The following PNPLA1 variants were observed in gnomAD, a reference collection of about 807,000 sequenced individuals.
PNPLA1 encodes the protein patatin like domain 1, omega-hydroxyceramide transacylase, also known as omega-hydroxyceramide transacylase.
A neutral mutation model predicts 51.7 loss-of-function variants in PNPLA1; 36 were observed. The observed-to-expected ratio is 0.70, with a 90% CI of 0.53 to 0.92. PNPLA1 has a LOEUF of 0.92. Among genes scored for constraint, PNPLA1 ranks in the 40% least tolerant of loss-of-function variants. The pLI is 0.00. For synonymous variants in PNPLA1, 293 were observed against 280.1 expected, an observed-to-expected ratio of 1.05 and a Z score of -0.46; for missense variants, 658 against 682.5, an observed-to-expected ratio of 0.96 and a Z score of 0.40.
intron 1 of PNPLA1, among the ~76,000 whole-genome samples, chr6:36,276,234 C>T (rs1431095814): frequency 6.6e-6 from 1 of 152,188 alleles, no homozygotes; most frequent in Non-Finnish European, 1.5e-5. Flanking sequence ...GCTGGGATTA[C>T]AGGCGTGAGC....
intron 5 of PNPLA1, among the ~76,000 whole-genome samples, chr6:36,296,930 C>A (rs1220498272): frequency 6.6e-6 from 1 of 152,188 alleles, no homozygotes; most frequent in African/African-American, 2.4e-5. Context: ...GCCTCAGTTT[C>A]CTCATCTGTA....
In PNPLA1 at chr6:36,302,370, C is replaced by T; in HGVS notation, c.1285C>T (p.Pro429Ser). 1 of 1,606,472 alleles carries T rather than the reference C, an allele frequency of 6.2e-7. No homozygotes were observed. Among genetic ancestry groups the T allele is most frequent in the Non-Finnish European group, 8.5e-7 (1 of 1,175,032 alleles). Residue 429 changes from proline (P) to serine (S), a missense_variant, in exon 6 of 9, where the codon CCT becomes TCT. Coordinates refer to ENST00000636260, the MANE Select transcript of PNPLA1 (RefSeq NM_001374623.1). ...CACTTCACCCAGGCCATCCCTGGGG[C>T]CTTCAACTGTGGGGGCACCTCAAAC... ...APTSPRPSLG[P>S]STVGAPQTLP...
chr6:36,277,312 A>T (rs1300285011), intron 1 of PNPLA1, among the ~76,000 whole-genome samples: 1 of 152,226 alleles, frequency 6.6e-6, no homozygotes, highest in Non-Finnish European at 1.5e-5. Context: ...TGGAGGTAAC[A>T]CATGTCCTGT....
intron 6 of PNPLA1, among the ~76,000 whole-genome samples, chr6:36,305,256 T>TC (rs1771195944): frequency 6.6e-6 from 1 of 152,210 alleles, no homozygotes; most frequent in Non-Finnish European, 1.5e-5. Context: ...CCAAGACAAT[T>TC]CTTCTTCCAG....
chr6:36,294,451 G>T lies in PNPLA1; in HGVS notation c.714+52G>T, dbSNP rs575846688. The T allele has an allele frequency of 6.4e-7, 1 of 1,563,576 alleles. No individual in the cohort carries two copies. The highest frequency in any genetic ancestry group is 1.1e-5 in the South Asian group (1 of 87,902). On this transcript the variant is annotated intron_variant, in intron 4 of 8. Coordinates refer to ENST00000636260, the MANE Select transcript of PNPLA1 (RefSeq NM_001374623.1). This position sits in a 1 kb window ranked among gnomAD's most constrained non-coding sequence, Gnocchi z 4.2. Reference sequence around the variant, plus strand: ...TAGCAGAAGGTACCAGGGACTAGGGGTGGGGTTAGAGAGCCACTGGGGCCC... The same window carrying T: ...TAGCAGAAGGTACCAGGGACTAGGGTTGGGGTTAGAGAGCCACTGGGGCCC...
intron 1 of PNPLA1, among the ~76,000 whole-genome samples, chr6:36,279,996 A>G (rs555013092): frequency 1.3e-5 from 2 of 152,256 alleles, no homozygotes; most frequent in South Asian, 4.1e-4. Flanking sequence ...TCACGAGGTT[A>G]GGAGATCAAG....
intron 5 of PNPLA1, among the ~76,000 whole-genome samples, chr6:36,295,922 C>T (rs889899971): frequency 6.6e-6 from 1 of 152,204 alleles, no homozygotes. Context: ...GTGGTCCCTC[C>T]ACCTATATAT....
At position 36,261,089 on chromosome 6, in the gene PNPLA1, A is replaced by G. The variant is rs961873406; in HGVS notation, c.-81+17828A>G. On this transcript the variant is annotated intron_variant, in intron 1 of 7. Coordinates refer to the PNPLA1 transcript ENST00000312917. Reference sequence around the variant, plus strand: ...AGCAATCCTCCCTCCTTGGCTTCCCAAAGTGCTGGGATTTCAGGCATGAGC... The same window carrying G: ...AGCAATCCTCCCTCCTTGGCTTCCCGAAGTGCTGGGATTTCAGGCATGAGC... Among the ~76,000 whole-genome samples the G allele has an allele frequency of 4.6e-5, 7 of 152,186 alleles. No individual in the cohort carries two copies. The East Asian group carries it at 1.3e-3, about 29-fold the overall frequency.
At position 36,270,515 on chromosome 6, in the gene PNPLA1, C is replaced by G. The variant is rs1373230987; in HGVS notation, c.56C>G (p.Ser19Trp). Residue 19 changes from serine (S) to tryptophan (W), a missense_variant, in exon 1 of 9, where the codon TCG (serine) becomes TGG (tryptophan). Transcript: ENST00000636260. ...DPDTPHSISF[S>W]GSGFLSFYQA... ...GACACCCCTCACTCCATCTCCTTCT[C>G]GGGCAGTGGATTCCTCTCCTTCTAC... The G allele has an allele frequency of 6.4e-7, 1 of 1,551,580 alleles. No individual in the cohort carries two copies. The highest frequency in any genetic ancestry group is 8.7e-7 in the Non-Finnish European group (1 of 1,147,004).
At chr6:36,255,595 G>A (rs1769515416) in intron 1 of PNPLA1, among the ~76,000 whole-genome samples, 1 of 152,182 alleles carries the variant, frequency 6.6e-6, no homozygotes, top group Non-Finnish European at 1.5e-5. Flanking sequence ...GCTGAGGCAG[G>A]AGAATCACTT....
intron 1 of PNPLA1, among the ~76,000 whole-genome samples, chr6:36,259,559 G>A (rs1582033710): frequency 1.3e-5 from 2 of 151,402 alleles, no homozygotes; most frequent in East Asian, 3.9e-4. Flanking sequence ...AATACTATCA[G>A]TTTCAAGATC....
chr6:36,279,598 G>A (rs1770215420), intron 1 of PNPLA1, among the ~76,000 whole-genome samples: 1 of 152,212 alleles, frequency 6.6e-6, no homozygotes, highest in Non-Finnish European at 1.5e-5. Context: ...GAGGGCTAGG[G>A]CTGAACTTCC....
intron 1 of PNPLA1, among the ~76,000 whole-genome samples, chr6:36,257,821 G>T (rs2127315980): frequency 6.6e-6 from 1 of 152,128 alleles, no homozygotes; most frequent in Admixed American, 6.5e-5. Context: ...AAGCATCTTT[G>T]AACTGTCTCC....
chr6:36,291,979 G>A (rs1247251290), intron 2 of PNPLA1, among the ~76,000 whole-genome samples: 1 of 152,220 alleles, frequency 6.6e-6, no homozygotes, highest in East Asian at 1.9e-4. Flanking sequence ...TCTTCCAGTG[G>A]CCCTTGATAA....
chr6:36,269,941 G>T (rs561659757), upstream of PNPLA1, among the ~76,000 whole-genome samples: 165 of 152,328 alleles, frequency 1.1e-3, no homozygotes, highest in African/African-American at 3.8e-3. Context: ...AGGGAGGCGG[G>T]CTTGGAAGCC....
intron 5 of PNPLA1, among the ~76,000 whole-genome samples, chr6:36,300,178 T>TGTGTGTGTGTGAGAGAGAGAGAGA: frequency 3.1e-5 from 3 of 98,142 alleles, no homozygotes; most frequent in African/African-American, 6.6e-5. Context: ...TGTGTGTGTG[T>TGTGTGTGTGTGAGAGAGAGAGAGA]GAGAGAGAGA....
intron 1 of PNPLA1, among the ~76,000 whole-genome samples, chr6:36,287,093 A>G (rs563887186): frequency 6.6e-6 from 1 of 152,266 alleles, no homozygotes; most frequent in African/African-American, 2.4e-5. Context: ...CTATCCATCT[A>G]TCTGGGATGA....
chr6:36,272,314 C>G (rs931349805), intron 1 of PNPLA1, among the ~76,000 whole-genome samples: 2 of 152,234 alleles, frequency 1.3e-5, no homozygotes, highest in Admixed American at 1.3e-4. Context: ...CAATAAGGTT[C>G]ACGCTCCTAT....
chr6:36,290,169 T>C (rs778678076), intron 1 of PNPLA1, among the ~76,000 whole-genome samples: 4 of 152,208 alleles, frequency 2.6e-5, no homozygotes, highest in Non-Finnish European at 5.9e-5. Context: ...ATGTAGCCAT[T>C]GCTACATGAC....
Sources: gnomAD v4.1 joint callset for allele counts (sites outside exome capture counted in the v4.1 genomes callset) on GRCh38, gnomAD v4.1.1 for gene constraint, Gnocchi (gnomAD v3.1) non-coding constraint, MANE v1.5 for transcripts, NCBI Gene and HGNC (gene_info 2026-07-23, HGNC 2026-07-21) for gene names.